The following MYO16 variants were observed in gnomAD, a reference collection of about 807,000 sequenced individuals.
MYO16 encodes the protein myosin XVI, also known as unconventional myosin-XVI.
Under a neutral mutation model 205.3 loss-of-function variants are expected in MYO16, and 94 were observed. The ratio of observed to expected loss-of-function variants is 0.46; its 90% CI spans 0.39 to 0.54. MYO16 has a LOEUF of 0.54. MYO16 is among the 20% of genes least tolerant of loss of function. The pLI, the probability that MYO16 is intolerant of heterozygous loss-of-function variation, is 0.00. For missense variants in MYO16, 2,315 were observed against 2,387.5 expected (o/e 0.97, Z 0.63); for synonymous variants, 988 against 954.0 (o/e 1.04, Z -0.66).
chr13:108,588,569 A>AT, the MYO16 span, among the ~76,000 whole-genome samples: 5 of 152,244 alleles, frequency 3.3e-5, no homozygotes, highest in Non-Finnish European at 5.9e-5. Flanking sequence ...TTATGAAGTT[A>AT]TTTTTATGGT....
At chr13:108,889,324 G>A (rs1335730501) in intron 14 of MYO16, among the ~76,000 whole-genome samples, 1 of 152,146 alleles carries the variant, frequency 6.6e-6, no homozygotes, top group African/African-American at 2.4e-5. Flanking sequence ...GATTCAAGGA[G>A]GAAGCAAAAA....
chr13:108,739,343 ATCTC>A (rs1243496345), intron 4 of MYO16, among the ~76,000 whole-genome samples: 5 of 151,806 alleles, frequency 3.3e-5, no homozygotes, highest in Non-Finnish European at 7.4e-5. Flanking sequence ...TGGTGACAAA[ATCTC>A]TCAGTGTTTG....
intron 12 of MYO16, among the ~76,000 whole-genome samples, chr13:108,867,285 G>T (rs968559637): frequency 6.6e-6 from 1 of 152,102 alleles, no homozygotes; most frequent in Non-Finnish European, 1.5e-5. Flanking sequence ...AGGATCACTT[G>T]GGCCCAAGAA....
At chr13:108,845,397 G>C (rs923766967) in intron 10 of MYO16, among the ~76,000 whole-genome samples, 1 of 152,064 alleles carries the variant, frequency 6.6e-6, no homozygotes, top group Non-Finnish European at 1.5e-5. Context: ...TGGATTCTGA[G>C]GGTCCAAGGT....
chr13:108,748,700 G>A (rs547392396), intron 4 of MYO16, among the ~76,000 whole-genome samples: 155 of 152,218 alleles, frequency 1.0e-3, no homozygotes, highest in African/African-American at 3.7e-3. Context: ...AGTGATCATT[G>A]ATGAAGAACA....
At chr13:108,564,294 C>T in the MYO16 span, among the ~76,000 whole-genome samples, 1 of 151,826 alleles carries the variant, frequency 6.6e-6, no homozygotes, top group African/African-American at 2.4e-5. Flanking sequence ...CTTCAGCATC[C>T]CAAGTAGCTG....
At chr13:109,038,640 C>G (rs1886788490) in intron 23 of MYO16, among the ~76,000 whole-genome samples, 1 of 151,996 alleles carries the variant, frequency 6.6e-6, no homozygotes, top group Admixed American at 6.5e-5. Flanking sequence ...TGGTTCTATT[C>G]ATTTGGAGAA....
At chr13:108,650,879 G>T (rs1164836611) in intron 1 of MYO16, among the ~76,000 whole-genome samples, 1 of 152,170 alleles carries the variant, frequency 6.6e-6, no homozygotes, top group African/African-American at 2.4e-5. Context: ...GCCATAGGAG[G>T]CAGTTCTGAT....
chr13:108,956,748 T>C (rs1167190513), intron 16 of MYO16, among the ~76,000 whole-genome samples: 1 of 152,168 alleles, frequency 6.6e-6, no homozygotes, highest in Non-Finnish European at 1.5e-5. Context: ...CTTTCGCCAC[T>C]GTGTTTCCTC....
intron 7 of MYO16, among the ~76,000 whole-genome samples, chr13:108,820,063 A>T (rs1875880302): frequency 6.6e-6 from 1 of 152,190 alleles, no homozygotes; most frequent in African/African-American, 2.4e-5. Flanking sequence ...TATAATATAA[A>T]CCTGAAAGTT....
intron 16 of MYO16, among the ~76,000 whole-genome samples, chr13:108,915,685 A>G (rs1192360215): frequency 6.6e-6 from 1 of 152,218 alleles, no homozygotes; most frequent in Non-Finnish European, 1.5e-5. Context: ...TAGTCCCAGA[A>G]AAGCTAGGTT....
At position 109,207,121 on chromosome 13, in the gene MYO16, A is replaced by C. The variant is rs1033369736; in HGVS notation, c.*285A>C. 1.5e-5 allele frequency: 6 copies of C among 394,658 alleles called. No individual in the cohort carries two copies. The highest frequency in any genetic ancestry group is 2.8e-5 in the Non-Finnish European group (6 of 214,222). 24.4% of individuals were successfully genotyped at this position (394,658 alleles called of 1,614,324 possible). A position where few individuals can be genotyped will look rare whatever the true frequency, so the allele number is the denominator to read the frequency against. ...TAGGTAGCAAGAGAGAGGCTGGGAA[A>C]AGTGTGGACGTGGCCAGAGCGAGAG... On this transcript the variant is annotated 3_prime_UTR_variant, in exon 35 of 35. Transcript: ENST00000457511.
At chr13:108,864,832 C>T (rs570598277) in intron 11 of MYO16, among the ~76,000 whole-genome samples, 2 of 152,294 alleles carry the variant, frequency 1.3e-5, no homozygotes, top group East Asian at 3.9e-4. Context: ...GCCACTGCAC[C>T]TGCCCATGAT....
At chr13:108,742,827 G>C (rs1241857990) in intron 4 of MYO16, among the ~76,000 whole-genome samples, 1 of 152,226 alleles carries the variant, frequency 6.6e-6, no homozygotes, top group East Asian at 1.9e-4. Flanking sequence ...AATCTGCTCA[G>C]TCACTTGCTT....
At chr13:108,855,631 T>C in intron 11 of MYO16, 78 bp downstream of exon 11, 1 of 1,015,666 alleles carries the variant, frequency 9.8e-7, no homozygotes, top group Non-Finnish European at 1.4e-6. Flanking sequence ...GCTTCAAATG[T>C]TGCAAGTAAA....
chr13:109,066,650 G>A (rs1006095100), intron 27 of MYO16, among the ~76,000 whole-genome samples: 1 of 152,094 alleles, frequency 6.6e-6, no homozygotes, highest in Non-Finnish European at 1.5e-5. Flanking sequence ...TTGTATAAAG[G>A]ACCAAATAGT....
chr13:109,135,523 A>G (rs78308756), intron 31 of MYO16, among the ~76,000 whole-genome samples: 1 of 152,098 alleles, frequency 6.6e-6, no homozygotes, highest in East Asian at 1.9e-4. Flanking sequence ...AGGTCTTGCT[A>G]TGTTGTCCAA....
intron 34 of MYO16, among the ~76,000 whole-genome samples, chr13:109,182,917 A>G (rs975157295): frequency 6.6e-6 from 1 of 152,212 alleles, no homozygotes; most frequent in Non-Finnish European, 1.5e-5. Context: ...TGCGCTGTGC[A>G]TGGGGCTGTG....
the MYO16 span, among the ~76,000 whole-genome samples, chr13:108,558,972 G>A: frequency 1.4e-5 from 2 of 146,828 alleles, no homozygotes; most frequent in Admixed American, 6.9e-5. Flanking sequence ...GCAGTGAGCT[G>A]ATGAGATGTT....
Sources: gnomAD v4.1 joint callset for allele counts (sites outside exome capture counted in the v4.1 genomes callset) on GRCh38, gnomAD v4.1.1 for gene constraint, MANE v1.5 for transcripts, NCBI Gene and HGNC (gene_info 2026-07-23, HGNC 2026-07-21) for gene names.